CENPP: variants seen among roughly 807,000 people sequenced by gnomAD.
CENPP encodes centromere protein P.
In CENPP, 24 loss-of-function variants were observed where a neutral mutation model predicts 35.6. The ratio of observed to expected loss-of-function variants is 0.67; its 90% CI spans 0.49 to 0.95. CENPP has a LOEUF of 0.95. Ranked by LOEUF, CENPP falls within the 40% of genes least tolerant of loss-of-function variation. The pLI, the probability that CENPP is intolerant of heterozygous loss-of-function variation, is 0.00. For missense variants in CENPP, 332 were observed against 345.3 expected, an observed-to-expected ratio of 0.96 and a Z score of 0.31; for synonymous variants, 120 against 125.5, an observed-to-expected ratio of 0.96 and a Z score of 0.29.
At chr9:92,436,995 T>A (rs545354245) in intron 5 of CENPP, among the ~76,000 whole-genome samples, 4 of 151,728 alleles carry the variant, frequency 2.6e-5, no homozygotes, top group African/African-American at 7.3e-5. Context: ...AGGACAGGAG[T>A]TTGAGACCAG....
chr9:92,384,075 G>A (rs1395991420), intron 5 of CENPP: 2 of 152,124 alleles, frequency 1.3e-5, no homozygotes, highest in East Asian at 1.9e-4. Flanking sequence ...TGCATTTTGC[G>A]CTCTCAGTGA....
intron 4 of CENPP, among the ~76,000 whole-genome samples, chr9:92,364,532 AT>A (rs1411049815): frequency 6.6e-6 from 1 of 152,088 alleles, no homozygotes; most frequent in Non-Finnish European, 1.5e-5. Context: ...ATTTGCTGTG[AT>A]TCTTCTTTAT....
chr9:92,610,245 A>G lies in CENPP; in HGVS notation c.565-1069A>G, dbSNP rs1379020925. ...TACTTTTTGTATTTTTACTAGAGAC[A>G]GGGTTTCACTGTGTTGGCCAGGATG... is the stretch of plus-strand genomic sequence containing the variant. On this transcript the variant is annotated intron_variant, in intron 5 of 7. Transcript: ENST00000375587. Among the ~76,000 whole-genome samples the G allele has an allele frequency of 3.3e-5, 5 of 152,198 alleles. No homozygotes were observed. The East Asian group carries it at 5.8e-4, about 18-fold the overall frequency.
chr9:92,350,091 G>A (rs1164844209), intron 4 of CENPP, among the ~76,000 whole-genome samples: 3 of 152,160 alleles, frequency 2.0e-5, no homozygotes, highest in Admixed American at 1.3e-4. Context: ...AATTTTAGAT[G>A]TAATAGTCCC....
intron 5 of CENPP, among the ~76,000 whole-genome samples, chr9:92,565,348 G>A (rs473360): frequency 7.5e-6 from 1 of 132,500 alleles, no homozygotes; most frequent in Non-Finnish European, 1.6e-5. Context: ...GAACGTTTAC[G>A]AATTTTGTGT....
At chr9:92,494,252 GCC>G in intron 5 of CENPP, 1 of 1,159,366 alleles carries the variant, frequency 8.6e-7, no homozygotes, top group Non-Finnish European at 1.2e-6. Context: ...TTCAGTTTGA[GCC>G]CCCTTTAATA....
intron 5 of CENPP, chr9:92,517,950 G>A: frequency 2.6e-6 from 4 of 1,556,320 alleles, no homozygotes; most frequent in Middle Eastern, 1.7e-4. Context: ...TAAACACAAT[G>A]TGAAGTCAAA....
At chr9:92,490,437 A>G (rs1286047564) in intron 5 of CENPP, among the ~76,000 whole-genome samples, 1 of 152,232 alleles carries the variant, frequency 6.6e-6, no homozygotes. Flanking sequence ...AAGTCTATCA[A>G]GGATCTGAAT....
chr9:92,359,621 AGCTCTG>A (rs1337494198), intron 4 of CENPP, among the ~76,000 whole-genome samples: 3 of 152,114 alleles, frequency 2.0e-5, no homozygotes, highest in African/African-American at 7.2e-5. Context: ...GGAAAAAAGG[AGCTCTG>A]GCCTTTTAAG....
chr9:92,351,529 T>C (rs943533151), intron 4 of CENPP, among the ~76,000 whole-genome samples: 4 of 151,894 alleles, frequency 2.6e-5, no homozygotes, highest in African/African-American at 2.4e-5. Flanking sequence ...TAACTCCCAC[T>C]TCCTCCCTCT....
chr9:92,600,578 C>A, intron 5 of CENPP: 1 of 1,606,944 alleles, frequency 6.2e-7, no homozygotes, highest in Non-Finnish European at 8.5e-7. Context: ...CAAGCCCTTG[C>A]GAGGGTTCTG....
At chr9:92,444,156 T>C (rs1359101679) in intron 5 of CENPP, among the ~76,000 whole-genome samples, 2 of 152,232 alleles carry the variant, frequency 1.3e-5, no homozygotes, top group Non-Finnish European at 2.9e-5. Context: ...CGCTTTGAGA[T>C]ACTGAATCTA....
intron 5 of CENPP, among the ~76,000 whole-genome samples, chr9:92,489,878 C>T (rs1422554488): frequency 6.6e-6 from 1 of 152,230 alleles, no homozygotes; most frequent in Middle Eastern, 3.2e-3. Context: ...CACTGGCCCA[C>T]AGAGTCCAAG....
At chr9:92,532,997 GAATT>G (rs1381836897) in intron 5 of CENPP, among the ~76,000 whole-genome samples, 3 of 151,830 alleles carry the variant, frequency 2.0e-5, no homozygotes, top group African/African-American at 7.3e-5. Flanking sequence ...TCACCATATT[GAATT>G]AATAATTATG....
chr9:92,349,037 A>G (rs1293285363), intron 4 of CENPP, among the ~76,000 whole-genome samples: 4 of 152,190 alleles, frequency 2.6e-5, no homozygotes, highest in African/African-American at 4.8e-5. Flanking sequence ...ATTATCAACC[A>G]TGTCTTTTAA....
At chr9:92,602,835 C>CTT (rs762325837) in intron 5 of CENPP, among the ~76,000 whole-genome samples, 2 of 132,838 alleles carry the variant, frequency 1.5e-5, no homozygotes. Context: ...TCAAATTAAA[C>CTT]TTTTTTTTTT....
intron 5 of CENPP, among the ~76,000 whole-genome samples, chr9:92,580,258 A>G (rs893585140): frequency 6.6e-6 from 1 of 152,116 alleles, no homozygotes; most frequent in Non-Finnish European, 1.5e-5. Flanking sequence ...TTGGTCTAAA[A>G]TTCTCTTTTT....
At chr9:92,462,705 A>G (rs555139999) in intron 5 of CENPP, among the ~76,000 whole-genome samples, 29 of 152,320 alleles carry the variant, frequency 1.9e-4, no homozygotes, top group African/African-American at 7.0e-4. Context: ...GCAGAAAAAT[A>G]ATTCTTCTAA....
At chr9:92,445,377 C>G (rs769949957) in intron 5 of CENPP, among the ~76,000 whole-genome samples, 16 of 152,116 alleles carry the variant, frequency 1.1e-4, no homozygotes, top group Non-Finnish European at 2.4e-4. Flanking sequence ...TGCCTTCCCT[C>G]TGAAGATCTG....
Sources: allele counts gnomAD v4.1 joint callset (sites outside exome capture counted in the v4.1 genomes callset), GRCh38; gene constraint gnomAD v4.1.1; transcripts MANE v1.5; gene names NCBI Gene and HGNC (gene_info 2026-07-23, HGNC 2026-07-21).